Variants in SAMSN1 observed in about 807,000 individuals in gnomAD.
The protein encoded by SAMSN1 is SAM domain, SH3 domain and nuclear localization signals 1, also known as SAM domain-containing protein SAMSN-1.
SAMSN1 carries 31 observed loss-of-function variants against 42.0 expected under a neutral mutation model. The observed-to-expected ratio is 0.74, with a 90% CI of 0.55 to 1.00. SAMSN1 has a LOEUF of 1.00. Among genes scored for constraint, SAMSN1 ranks in the 50% least tolerant of loss-of-function variants. SAMSN1 has a pLI of 0.00. For synonymous variants in SAMSN1, 178 were observed against 151.9 expected (o/e 1.17, Z -1.26); for missense variants, 464 against 439.4 (o/e 1.06, Z -0.50).
intron 7 of SAMSN1, among the ~76,000 whole-genome samples, chr21:14,492,528 C>T (rs1482049909): frequency 6.6e-6 from 1 of 152,058 alleles, no homozygotes; most frequent in African/African-American, 2.4e-5. Context: ...TCTTGTTTGG[C>T]CAGGGTAATC....
At chr21:14,589,733 G>C (rs1034557520) in intron 7 of SAMSN1, among the ~76,000 whole-genome samples, 3 of 151,964 alleles carry the variant, frequency 2.0e-5, no homozygotes, top group Admixed American at 6.6e-5. Context: ...CTAATGAAAA[G>C]ATAGCTGAAT....
chr21:14,524,599 T>C (rs1978716164), intron 1 of SAMSN1, among the ~76,000 whole-genome samples: 1 of 152,150 alleles, frequency 6.6e-6, no homozygotes, highest in Non-Finnish European at 1.5e-5. Flanking sequence ...GTCCCAAGAA[T>C]TCCATTTCTA....
At chr21:14,612,632 C>A (rs1409248597) in intron 4 of SAMSN1, 1 of 566,798 alleles carries the variant, frequency 1.8e-6, no homozygotes, top group South Asian at 1.5e-5. Context: ...AATGAACTAC[C>A]AAAGAGGATT....
intron 1 of SAMSN1, among the ~76,000 whole-genome samples, chr21:14,649,305 G>T (rs947736134): frequency 3.3e-5 from 5 of 150,536 alleles, no homozygotes; most frequent in Non-Finnish European, 7.4e-5. Context: ...GATAGCATTG[G>T]GAGATATACC....
At chr21:14,571,336 C>T (rs1416484993) in intron 2 of SAMSN1, among the ~76,000 whole-genome samples, 1 of 152,020 alleles carries the variant, frequency 6.6e-6, no homozygotes, top group African/African-American at 2.4e-5. Context: ...ATAAAAAATC[C>T]TTTCTATGAG....
At chr21:14,515,472 C>T (rs967866026) in intron 3 of SAMSN1, among the ~76,000 whole-genome samples, 6 of 152,014 alleles carry the variant, frequency 3.9e-5, no homozygotes, top group Non-Finnish European at 2.9e-5. Context: ...GTGGACTCTT[C>T]CTATATACTG....
At chr21:14,647,885 G>A (rs1983749134) in intron 1 of SAMSN1, among the ~76,000 whole-genome samples, 2 of 151,186 alleles carry the variant, frequency 1.3e-5, no homozygotes, top group Non-Finnish European at 1.5e-5. Context: ...GGAGATTTTG[G>A]GCTGAGACAA....
At chr21:14,524,457 T>G (rs1315849523) in intron 1 of SAMSN1, among the ~76,000 whole-genome samples, 1 of 152,170 alleles carries the variant, frequency 6.6e-6, no homozygotes, top group Non-Finnish European at 1.5e-5. Context: ...TAGATCATAT[T>G]TAGTCTTTAT....
At chr21:14,568,019 A>C (rs1981175840) in intron 2 of SAMSN1, among the ~76,000 whole-genome samples, 1 of 152,216 alleles carries the variant, frequency 6.6e-6, no homozygotes, top group South Asian at 2.1e-4. Flanking sequence ...TTTGGTGAGC[A>C]TAAAATATCA....
intron 1 of SAMSN1, among the ~76,000 whole-genome samples, chr21:14,649,322 T>C (rs1370444648): frequency 2.7e-5 from 4 of 150,716 alleles, no homozygotes; most frequent in Admixed American, 2.6e-4. Context: ...TACCTAATGC[T>C]AGATGACGAG....
At chr21:14,504,394 A>T (rs1034943635) in intron 5 of SAMSN1, among the ~76,000 whole-genome samples, 8 of 152,238 alleles carry the variant, frequency 5.3e-5, no homozygotes, top group African/African-American at 1.9e-4. Context: ...AAGGATAGAT[A>T]GCATAAATAA....
intron 1 of SAMSN1, among the ~76,000 whole-genome samples, chr21:14,534,784 A>G (rs182060306): frequency 1.3e-5 from 2 of 152,296 alleles, no homozygotes; most frequent in African/African-American, 4.8e-5. Context: ...TTCCCTTTTC[A>G]TGATTACCAC....
chr21:14,591,818 C>T (rs919771073), intron 7 of SAMSN1: 9 of 152,090 alleles, frequency 5.9e-5, no homozygotes, highest in Non-Finnish European at 8.8e-5. Flanking sequence ...CTCCTCCTTC[C>T]TCTCAAGCAG....
intron 2 of SAMSN1, among the ~76,000 whole-genome samples, chr21:14,562,549 T>C (rs1463586665): frequency 6.7e-6 from 1 of 149,738 alleles, no homozygotes; most frequent in Non-Finnish European, 1.5e-5. Flanking sequence ...TATATATATG[T>C]ATGTATATAA....
intron 2 of SAMSN1, among the ~76,000 whole-genome samples, chr21:14,569,990 C>CT (rs368774943): frequency 6.6e-6 from 1 of 151,628 alleles, no homozygotes; most frequent in African/African-American, 2.4e-5. Flanking sequence ...ACTTTCCCCC[C>CT]CCCCAGTTTT....
chr21:14,578,888 C>T (rs1337822453), intron 2 of SAMSN1, among the ~76,000 whole-genome samples: 7 of 151,870 alleles, frequency 4.6e-5, no homozygotes, highest in Non-Finnish European at 5.9e-5. Flanking sequence ...GCAAAAATGT[C>T]GCCTCTGACT....
intron 7 of SAMSN1, among the ~76,000 whole-genome samples, chr21:14,494,627 A>T (rs999406477): frequency 6.6e-6 from 1 of 152,058 alleles, no homozygotes; most frequent in Admixed American, 6.5e-5. Context: ...TGATGGGTGC[A>T]GCAAACCACC....
chr21:14,597,253 C>T (rs1246459032), intron 6 of SAMSN1, among the ~76,000 whole-genome samples: 1 of 152,058 alleles, frequency 6.6e-6, no homozygotes, highest in African/African-American at 2.4e-5. Context: ...TAAATTATTT[C>T]TCCAGTGACC....
intron 5 of SAMSN1, among the ~76,000 whole-genome samples, chr21:14,508,694 T>C (rs1438135785): frequency 6.6e-6 from 1 of 152,224 alleles, no homozygotes; most frequent in Admixed American, 6.5e-5. Flanking sequence ...GATTCAGCAA[T>C]TCCACTGCTA....
Sources: allele counts gnomAD v4.1 joint callset (sites outside exome capture counted in the v4.1 genomes callset), GRCh38; gene constraint gnomAD v4.1.1; transcripts MANE v1.5; gene names NCBI Gene and HGNC (gene_info 2026-07-23, HGNC 2026-07-21).